SNTG2: variants seen among roughly 807,000 people sequenced by gnomAD.
SNTG2 encodes the protein syntrophin gamma 2.
Under a neutral mutation model 70.9 loss-of-function variants are expected in SNTG2, and 74 were observed. The ratio of observed to expected loss-of-function variants is 1.04; its 90% CI spans 0.86 to 1.27. The LOEUF (loss-of-function observed/expected upper bound fraction) is 1.27, where lower values mean the gene tolerates loss of function less well. Among genes scored for constraint, SNTG2 ranks in the 50% most tolerant of loss-of-function variants. The pLI is 0.00. For synonymous variants in SNTG2, 278 were observed against 273.8 expected, an observed-to-expected ratio of 1.02 and a Z score of -0.15; for missense variants, 717 against 690.7, an observed-to-expected ratio of 1.04 and a Z score of -0.43.
At chr2:1,178,880 AC>A (rs1671666956) in intron 8 of SNTG2, among the ~76,000 whole-genome samples, 1 of 152,162 alleles carries the variant, frequency 6.6e-6, no homozygotes. Flanking sequence ...AAGGAATGGT[AC>A]CAGCTCCTCC....
At chr2:1,183,424 T>C (rs1415161504) in intron 8 of SNTG2, among the ~76,000 whole-genome samples, 1 of 152,222 alleles carries the variant, frequency 6.6e-6, no homozygotes, top group Non-Finnish European at 1.5e-5. Context: ...TAGCAGATCC[T>C]ACTCGGCAGT....
At chr2:1,267,003 T>C (rs889890370) in intron 13 of SNTG2, among the ~76,000 whole-genome samples, 4 of 152,180 alleles carry the variant, frequency 2.6e-5, no homozygotes, top group African/African-American at 9.7e-5. Context: ...ACTCCTGGGC[T>C]CAAGCAATCC....
At chr2:1,326,053 G>A (rs1178500765) in intron 16 of SNTG2, among the ~76,000 whole-genome samples, 1 of 152,122 alleles carries the variant, frequency 6.6e-6, no homozygotes, top group East Asian at 1.9e-4. Context: ...GGATGGTCTC[G>A]ATCTCCTGAC....
At chr2:1,102,859 CGAGTG>C (rs1665868936) in intron 4 of SNTG2, 2 of 152,300 alleles carry the variant, frequency 1.3e-5, no homozygotes, top group South Asian at 4.1e-4. Context: ...GCCTGATGTC[CGAGTG>C]GAGCCAGGCA....
At chr2:1,032,103 G>A (rs6754862) in intron 1 of SNTG2, among the ~76,000 whole-genome samples, 3,255 of 152,168 alleles carry the variant, frequency 0.021, 122 homozygotes, top group African/African-American at 0.073. Context: ...CAGGTGGAAG[G>A]GGGACCTGAA....
chr2:1,241,580 C>T (rs1677056087), intron 11 of SNTG2, among the ~76,000 whole-genome samples: 2 of 152,152 alleles, frequency 1.3e-5, no homozygotes, highest in Non-Finnish European at 1.5e-5. Flanking sequence ...AGTAACTCAT[C>T]ATTTAACATT....
intron 16 of SNTG2, among the ~76,000 whole-genome samples, chr2:1,327,406 A>G (rs188895931): frequency 6.6e-6 from 1 of 152,334 alleles, no homozygotes; most frequent in Admixed American, 6.5e-5. Context: ...TTCGATGAAT[A>G]TCATCATCAT....
chr2:1,244,190 G>T (rs958256637), intron 11 of SNTG2, among the ~76,000 whole-genome samples: 5 of 152,184 alleles, frequency 3.3e-5, no homozygotes, highest in African/African-American at 4.8e-5. Flanking sequence ...TATTTGTTTC[G>T]TGAATTTTAA....
intron 16 of SNTG2, among the ~76,000 whole-genome samples, chr2:1,361,185 T>A (rs1263272934): frequency 6.6e-6 from 1 of 152,230 alleles, no homozygotes; most frequent in East Asian, 1.9e-4. Flanking sequence ...AAGCTTTAAA[T>A]AAACATGTAA....
chr2:1,310,447 A>C (rs776504600), intron 15 of SNTG2, among the ~76,000 whole-genome samples: 3 of 152,214 alleles, frequency 2.0e-5, no homozygotes, highest in Non-Finnish European at 4.4e-5. Context: ...AGGAAGATCA[A>C]CTGAGTCTGC....
intron 1 of SNTG2, among the ~76,000 whole-genome samples, chr2:1,027,058 G>A (rs906913323): frequency 1.3e-5 from 2 of 152,158 alleles, no homozygotes; most frequent in African/African-American, 4.8e-5. Flanking sequence ...GGCCACTCTT[G>A]CTGCTGCAGT....
intron 1 of SNTG2, among the ~76,000 whole-genome samples, chr2:1,068,523 A>T (rs964916885): frequency 2.6e-5 from 4 of 152,208 alleles, no homozygotes; most frequent in Non-Finnish European, 5.9e-5. Context: ...TCTTAAAAAT[A>T]TGAGTGATAA....
chr2:1,063,945 C>A (rs990464674), intron 1 of SNTG2, among the ~76,000 whole-genome samples: 1 of 151,932 alleles, frequency 6.6e-6, no homozygotes, highest in Non-Finnish European at 1.5e-5. Context: ...TCACTGGACC[C>A]CAAATAGCAT....
At chr2:1,318,526 A>G (rs949518867) in intron 16 of SNTG2, among the ~76,000 whole-genome samples, 25 of 152,306 alleles carry the variant, frequency 1.6e-4, no homozygotes, top group Admixed American at 1.4e-3. Context: ...GCTGGGGGAG[A>G]GCGATGAGGC....
intron 8 of SNTG2, among the ~76,000 whole-genome samples, chr2:1,183,614 A>T (rs562149008): frequency 2.0e-5 from 3 of 152,126 alleles, no homozygotes; most frequent in Non-Finnish European, 2.9e-5. Context: ...AATTGATGGG[A>T]ATTAGCAACT....
chr2:1,087,160 A>G (rs1664735253), intron 2 of SNTG2, among the ~76,000 whole-genome samples: 1 of 152,154 alleles, frequency 6.6e-6, no homozygotes, highest in Non-Finnish European at 1.5e-5. Context: ...TAGATGGCCG[A>G]CAGATAGCAG....
chr2:1,205,689 T>C (rs1673589925), intron 8 of SNTG2, among the ~76,000 whole-genome samples: 1 of 152,240 alleles, frequency 6.6e-6, no homozygotes, highest in African/African-American at 2.4e-5. Flanking sequence ...TCGCTGCCAG[T>C]ACAGGCTCCC....
chr2:1,184,303 A>T (rs1301590289), intron 8 of SNTG2, among the ~76,000 whole-genome samples: 1 of 152,242 alleles, frequency 6.6e-6, no homozygotes, highest in African/African-American at 2.4e-5. Flanking sequence ...GGGAACATCA[A>T]CACATTTTAT....
chr2:1,284,726 A>G (rs983989774), intron 14 of SNTG2, among the ~76,000 whole-genome samples: 7 of 152,332 alleles, frequency 4.6e-5, no homozygotes, highest in African/African-American at 1.7e-4. Flanking sequence ...GACGTCAACT[A>G]AATCACCAAT....
Sources: gnomAD v4.1 joint callset for allele counts (sites outside exome capture counted in the v4.1 genomes callset) on GRCh38, gnomAD v4.1.1 for gene constraint, MANE v1.5 for transcripts, NCBI Gene and HGNC (gene_info 2026-07-23, HGNC 2026-07-21) for gene names.